Variants in GLCCI1 observed in about 807,000 individuals in gnomAD.
GLCCI1 encodes glucocorticoid-induced transcript 1 protein.
A neutral mutation model predicts 52.2 loss-of-function variants in GLCCI1; 24 were observed. The observed-to-expected ratio is 0.46, with a 90% confidence interval of 0.33 to 0.65. The LOEUF is 0.65. Among genes scored for constraint, GLCCI1 ranks in the 30% least tolerant of loss-of-function variants. The probability of loss-of-function intolerance (pLI) is 0.02; values close to 1 mark genes in which losing one functional copy is unlikely to be tolerated. For missense variants in GLCCI1, 704 were observed against 701.5 expected, an observed-to-expected ratio of 1.00 and a Z score of -0.04; for synonymous variants, 310 against 276.5, an observed-to-expected ratio of 1.12 and a Z score of -1.20.
At chr7:8,003,850 A>G (rs1312922266) in intron 1 of GLCCI1, 58 bp from the exon 2 acceptor site, 11 of 1,478,460 alleles carry the variant, frequency 7.4e-6, no homozygotes, top group Non-Finnish European at 1.0e-5. Context: ...ATGAAGTTAG[A>G]TAACTTTAAA....
rs1210180081 is a variant in GLCCI1, at chr7:7,974,637, T to C, written c.457+4830T>C. 4.6e-5 allele frequency among the ~76,000 whole-genome samples: 7 copies of C among 152,294 alleles called. No individual in the cohort carries two copies. In the East Asian group the frequency reaches 9.6e-4, roughly 21 times the overall value. On this transcript the variant is annotated intron_variant, in intron 1 of 7. Coordinates refer to ENST00000223145, the MANE Select transcript of GLCCI1 (RefSeq NM_138426.4). The stretch of plus-strand genomic sequence containing the variant: ...TGAGTGGAATGGAAATAAATGACAG[T>C]GTTCAACAAATGGCTAGTCGGAGAG...
At chr7:8,081,176 C>T (rs538493520) in intron 6 of GLCCI1, among the ~76,000 whole-genome samples, 17 of 152,188 alleles carry the variant, frequency 1.1e-4, no homozygotes, top group African/African-American at 2.6e-4. Flanking sequence ...TTCAGGTGCA[C>T]GTGGGAGCTT....
rs1783168685 is a variant in GLCCI1 at position 8,088,529 on chromosome 7, G to A, written c.*1991G>A. On this transcript the variant is annotated 3_prime_UTR_variant, in exon 8 of 8. Transcript: ENST00000223145. ...GAAAATACTATATTTTGTAGATTAT[G>A]GTTAAAGGGGGAAAATTACTAGTTC... 1 of 152,534 alleles carries A rather than the reference G, an allele frequency of 6.6e-6. No individual in the cohort carries two copies. Among genetic ancestry groups the A allele is most frequent in the African/African-American group, 2.4e-5 (1 of 41,416 alleles). The allele number at this position is 152,534 out of a possible 1,614,324, so 9.4% of individuals were successfully genotyped here.
Position 8,076,926 on chromosome 7 carries a change from T to C in GLCCI1, c.1177+5795T>C, listed in dbSNP as rs149713851. On this transcript the variant is annotated intron_variant, in intron 6 of 7. Coordinates refer to ENST00000223145, the MANE Select transcript of GLCCI1 (RefSeq NM_138426.4). ...ATGTTGAAAATGTGTTTTCTTTGAA[T>C]TGTTAAATTTTATGTTAGGCTTTTA... Among the ~76,000 whole-genome samples the C allele has an allele frequency of 1.8e-3, 275 of 152,350 alleles. 1 individual carries two copies. The highest frequency in any genetic ancestry group is 6.3e-3 in the African/African-American group (261 of 41,594).
chr7:7,987,214 CT>C (rs1452936452), intron 1 of GLCCI1, among the ~76,000 whole-genome samples: 3 of 152,196 alleles, frequency 2.0e-5, no homozygotes, highest in Admixed American at 2.0e-4. Context: ...AACTCACTTT[CT>C]TTGGGTATAT....
At chr7:8,014,957 AG>A (rs1427582442) in intron 2 of GLCCI1, among the ~76,000 whole-genome samples, 1 of 152,246 alleles carries the variant, frequency 6.6e-6, no homozygotes, top group Non-Finnish European at 1.5e-5. Flanking sequence ...AAGCACATAA[AG>A]CAGTTTCTCT....
At chr7:8,036,407 C>G (rs1781869700) in intron 3 of GLCCI1, among the ~76,000 whole-genome samples, 1 of 152,112 alleles carries the variant, frequency 6.6e-6, no homozygotes, top group Non-Finnish European at 1.5e-5. Context: ...GAAAAAAAAT[C>G]ATGTCCAAAC....
chr7:8,025,733 AG>A (rs1313555294), intron 3 of GLCCI1, among the ~76,000 whole-genome samples: 3 of 152,230 alleles, frequency 2.0e-5, no homozygotes, highest in Non-Finnish European at 4.4e-5. Flanking sequence ...CATCACATGT[AG>A]GGGACCACTA....
rs1398546602 is a variant in GLCCI1, at chr7:8,086,679, C to G, written c.*141C>G. 3 of 716,894 alleles carry G rather than the reference C, an allele frequency of 4.2e-6. No individual in the cohort carries two copies. The South Asian group carries it at 5.9e-5, about 14-fold the overall frequency. The allele number at this position is 716,894 out of a possible 1,614,324, so 44.4% of individuals were successfully genotyped here. ...CATAAAGTATCTCTTAAACACTGAT[C>G]TTGGCAGGGACGGAACTCCTATTCA... On this transcript the variant is annotated 3_prime_UTR_variant, in exon 8 of 8. Coordinates refer to ENST00000223145, the MANE Select transcript of GLCCI1 (RefSeq NM_138426.4). The surrounding 1 kb of genome is among the most constrained non-coding windows in gnomAD (Gnocchi z 4.4).
chr7:8,014,869 A>G (rs543822175), intron 2 of GLCCI1, among the ~76,000 whole-genome samples: 1 of 152,284 alleles, frequency 6.6e-6, no homozygotes, highest in African/African-American at 2.4e-5. Context: ...TCTCCAGGTG[A>G]TGGTATTATT....
At chr7:8,078,402 T>G (rs1289259330) in intron 6 of GLCCI1, among the ~76,000 whole-genome samples, 3 of 152,096 alleles carry the variant, frequency 2.0e-5, no homozygotes, top group Admixed American at 2.0e-4. Context: ...GTTAATAGTC[T>G]AGTCTTGTGA....
intron 6 of GLCCI1, among the ~76,000 whole-genome samples, chr7:8,072,793 G>A (rs1472284944): frequency 6.6e-6 from 1 of 152,164 alleles, no homozygotes; most frequent in Non-Finnish European, 1.5e-5. Context: ...AATAATGGTG[G>A]CAGTACAGCT....
At chr7:8,077,511 G>A (rs919174325) in intron 6 of GLCCI1, among the ~76,000 whole-genome samples, 1 of 152,206 alleles carries the variant, frequency 6.6e-6, no homozygotes, top group East Asian at 1.9e-4. Flanking sequence ...CAGCCAGGTT[G>A]AAGCCCTGCT....
At position 8,083,293 on chromosome 7, in the gene GLCCI1, C is replaced by G. The variant is rs575510292; in HGVS notation, c.1178-1604C>G. Among the ~76,000 whole-genome samples, 170 of 152,128 alleles carry G rather than the reference C, an allele frequency of 1.1e-3. 1 individual carries two copies. The highest frequency in any genetic ancestry group is 4.0e-3 in the African/African-American group (167 of 41,522). Reference sequence around the variant, plus strand: ...TATATTTCCTTTGCCTGGTTTGTTGCTGTTTGCATAGTAAGGTAAGGTCAA... The same window carrying G: ...TATATTTCCTTTGCCTGGTTTGTTGGTGTTTGCATAGTAAGGTAAGGTCAA... On this transcript the variant is annotated intron_variant, in intron 6 of 7. Coordinates refer to ENST00000223145, the MANE Select transcript of GLCCI1 (RefSeq NM_138426.4).
intron 5 of GLCCI1, among the ~76,000 whole-genome samples, chr7:8,066,026 G>C (rs1268286111): frequency 1.3e-5 from 2 of 152,144 alleles, no homozygotes; most frequent in African/African-American, 4.8e-5. Context: ...GATCCATGTG[G>C]TTCAGGGCTC....
chr7:7,988,380 A>C (rs1780778093), intron 1 of GLCCI1, among the ~76,000 whole-genome samples: 1 of 152,162 alleles, frequency 6.6e-6, no homozygotes, highest in Non-Finnish European at 1.5e-5. Context: ...CCTTGCTTTG[A>C]CAAATCTTAA....
intron 1 of GLCCI1, among the ~76,000 whole-genome samples, chr7:7,997,537 G>T (rs1175209387): frequency 6.6e-6 from 1 of 152,052 alleles, no homozygotes; most frequent in Non-Finnish European, 1.5e-5. Context: ...GATGAATTTG[G>T]TATTTTGATT....
intron 2 of GLCCI1, among the ~76,000 whole-genome samples, chr7:8,020,167 A>G (rs1429935490): frequency 2.0e-5 from 3 of 151,872 alleles, no homozygotes; most frequent in Non-Finnish European, 4.4e-5. Context: ...TTATTTGTTT[A>G]TTTATTTCCT....
chr7:8,014,179 C>G (rs113110769), intron 2 of GLCCI1, among the ~76,000 whole-genome samples: 5,070 of 151,998 alleles, frequency 0.033, 269 homozygotes, highest in African/African-American at 0.11. Context: ...TTAGTAGAGA[C>G]GGGGTTTCAC....
Sources: allele counts gnomAD v4.1 joint callset (sites outside exome capture counted in the v4.1 genomes callset), GRCh38; gene constraint gnomAD v4.1.1; non-coding constraint Gnocchi (gnomAD v3.1); transcripts MANE v1.5; gene names NCBI Gene and HGNC (gene_info 2026-07-23, HGNC 2026-07-21).